The following PSMF1 variants were observed in gnomAD, a reference collection of about 807,000 sequenced individuals.
PSMF1 encodes the protein proteasome inhibitor PI31 subunit.
Under a neutral mutation model 29.3 loss-of-function variants are expected in PSMF1, and 30 were observed. The ratio of observed to expected loss-of-function variants is 1.02; its 90% CI spans 0.77 to 1.39. The LOEUF (loss-of-function observed/expected upper bound fraction) is 1.39. Among genes scored for constraint, PSMF1 ranks in the 40% most tolerant of loss-of-function variants. The pLI, the probability that PSMF1 is intolerant of heterozygous loss-of-function variation, is 0.00. For synonymous variants in PSMF1, 134 were observed against 139.7 expected (o/e 0.96, Z 0.29); for missense variants, 344 against 357.5 (o/e 0.96, Z 0.31).
At chr20:1,133,967 G>A (rs2086270261) in intron 3 of PSMF1, among the ~76,000 whole-genome samples, 1 of 131,776 alleles carries the variant, frequency 7.6e-6, no homozygotes, top group Non-Finnish European at 1.6e-5. Context: ...CTCCTGTTTC[G>A]TTCTTGTTAT....
upstream of PSMF1, chr20:1,118,037 G>T (rs1319733691): frequency 2.0e-5 from 3 of 152,208 alleles, no homozygotes; most frequent in African/African-American, 7.2e-5. Flanking sequence ...GTTGTTGAGA[G>T]GGTGATGTAA....
At chr20:1,151,180 G>A (rs1218205639) in intron 4 of PSMF1, among the ~76,000 whole-genome samples, 1 of 152,112 alleles carries the variant, frequency 6.6e-6, no homozygotes, top group Non-Finnish European at 1.5e-5. Context: ...TACAGCTACT[G>A]TTTATTCAGT....
At chr20:1,153,554 A>G (rs569555755) in intron 4 of PSMF1, among the ~76,000 whole-genome samples, 67 of 151,986 alleles carry the variant, frequency 4.4e-4, no homozygotes, top group African/African-American at 1.6e-3. Flanking sequence ...CAACTGTGCC[A>G]TACAACGAAA....
In PSMF1 at chr20:1,125,860, G is replaced by A. The variant is rs914412368; in HGVS notation, c.282+210G>A. On this transcript the variant is annotated intron_variant, in intron 2 of 6. Coordinates refer to ENST00000335877, the MANE Select transcript of PSMF1 (RefSeq NM_006814.5). ...TCCACCACCTGGAATTAAGAAGGAG[G>A]GGCTTTCTGTCAACAGGGGAATGGT... 1.2e-5 allele frequency: 9 copies of A among 724,840 alleles called. No homozygotes were observed. The African/African-American group carries it at 1.5e-4, about 12-fold the overall frequency. The allele number at this position is 724,840 out of a possible 1,614,324, so 44.9% of individuals were successfully genotyped here. A position where few individuals can be genotyped will look rare whatever the true frequency, so the allele number is the denominator to read the frequency against.
chr20:1,133,763 G>GT (rs1190100173), intron 3 of PSMF1, among the ~76,000 whole-genome samples: 1 of 150,190 alleles, frequency 6.7e-6, no homozygotes, highest in African/African-American at 2.4e-5. Flanking sequence ...TTTGGTTTTT[G>GT]TTTTTTTATT....
At chr20:1,119,670 T>G (rs1487469113) in intron 1 of PSMF1, among the ~76,000 whole-genome samples, 1 of 152,148 alleles carries the variant, frequency 6.6e-6, no homozygotes, top group African/African-American at 2.4e-5. Flanking sequence ...CCCACAGAGT[T>G]CTAGGACTGC....
intron 3 of PSMF1, among the ~76,000 whole-genome samples, chr20:1,133,793 AGT>A (rs1285693293): frequency 6.6e-6 from 1 of 151,220 alleles, no homozygotes; most frequent in African/African-American, 2.4e-5. Flanking sequence ...TAGAATGTTA[AGT>A]GTAATTCAGT....
chr20:1,115,095 C>T (rs1316007775), upstream of PSMF1, among the ~76,000 whole-genome samples: 18 of 37,276 alleles, frequency 4.8e-4, no homozygotes, highest in African/African-American at 1.7e-3. Flanking sequence ...CTACAACCAA[C>T]TGTATGCAAA....
At position 1,164,593 on chromosome 20, in the gene PSMF1, T is replaced by C; in HGVS notation, c.764+117T>C. 7.2e-7 allele frequency: 1 copy of C among 1,398,040 alleles called. No homozygotes were observed. Among genetic ancestry groups the C allele is most frequent in the Non-Finnish European group, 9.8e-7 (1 of 1,020,968 alleles). 86.6% of individuals were successfully genotyped at this position (1,398,040 alleles called of 1,614,324 possible). A position where few individuals can be genotyped will look rare whatever the true frequency, so the allele number is the denominator to read the frequency against. Reference sequence around the variant, plus strand: ...AGCTGCCGCTGCCTTCACCTGTTGCTGCCAGGAGAGTGGAGCCTCCTCCAG... The same window carrying C: ...AGCTGCCGCTGCCTTCACCTGTTGCCGCCAGGAGAGTGGAGCCTCCTCCAG... On this transcript the variant is annotated intron_variant, in intron 6 of 6. Transcript: ENST00000335877. The surrounding 1 kb of genome is among the most constrained non-coding windows in gnomAD (Gnocchi z 4.1).
At chr20:1,126,378 G>A (rs891832179) in intron 2 of PSMF1, among the ~76,000 whole-genome samples, 3 of 151,716 alleles carry the variant, frequency 2.0e-5, no homozygotes, top group Admixed American at 1.3e-4. Flanking sequence ...TTTTTCACTC[G>A]GTGTTTTGGA....
In PSMF1 at chr20:1,172,102, C is replaced by T. The variant is rs1258285164; in HGVS notation, c.*7022C>T. 6.6e-6 allele frequency among the ~76,000 whole-genome samples: 1 copy of T among 152,246 alleles called. No homozygotes were observed. On this transcript the variant is annotated 3_prime_UTR_variant, in exon 7 of 7. Transcript: ENST00000335877. Reference sequence around the variant, plus strand: ...TGGACTGAGTTCAGTGCTCCCCCAACCTGCCCTCCTCCTCTCCCCCACAGA... The same window carrying T: ...TGGACTGAGTTCAGTGCTCCCCCAATCTGCCCTCCTCCTCTCCCCCACAGA...
intron 1 of PSMF1, among the ~76,000 whole-genome samples, chr20:1,124,889 G>A (rs2086134909): frequency 6.6e-6 from 1 of 152,236 alleles, no homozygotes; most frequent in South Asian, 2.1e-4. Flanking sequence ...TTTAAGAGTG[G>A]TGATTACCCT....
chr20:1,138,938 G>A (rs1163758667), intron 4 of PSMF1, among the ~76,000 whole-genome samples: 1 of 152,252 alleles, frequency 6.6e-6, no homozygotes. Context: ...CACTTTGGGA[G>A]GCCAAGGCAG....
chr20:1,161,234 G>T (rs532005436), intron 4 of PSMF1: 2 of 315,010 alleles, frequency 6.3e-6, no homozygotes, highest in South Asian at 5.3e-5. Context: ...GCGTCGCCCC[G>T]GACTTTGAGC....
chr20:1,161,385 T>C (rs186954449), intron 4 of PSMF1: 77 of 354,538 alleles, frequency 2.2e-4, no homozygotes, highest in Middle Eastern at 1.9e-3. Flanking sequence ...TGTGGAATTT[T>C]GCAGCATCCA....
intron 4 of PSMF1, among the ~76,000 whole-genome samples, chr20:1,141,606 C>G (rs73890703): frequency 0.022 from 3,365 of 152,136 alleles, 137 homozygotes; most frequent in African/African-American, 0.077. Context: ...ATGCCTTCCC[C>G]CTAAGGAAGA....
At chr20:1,117,944 G>C (rs1261922683), upstream of PSMF1, 1 of 152,272 alleles carries the variant, frequency 6.6e-6, no homozygotes, top group African/African-American at 2.4e-5. Flanking sequence ...GGCAGCAGTT[G>C]TGTCTCCTTG....
At chr20:1,133,657 C>T (rs2086266058) in intron 3 of PSMF1, among the ~76,000 whole-genome samples, 1 of 147,724 alleles carries the variant, frequency 6.8e-6, no homozygotes, top group Non-Finnish European at 1.5e-5. Flanking sequence ...CGTATTCCCT[C>T]CTCATATATT....
Position 1,165,701 on chromosome 20 carries a change from A to C in PSMF1, c.*621A>C, listed in dbSNP as rs1330993835. ...ACTGGAAATCCCATAGGCCACAAGA[A>C]TGACTTTCACAAGGGCAGGAACATT... On this transcript the variant is annotated 3_prime_UTR_variant, in exon 7 of 7. Transcript: ENST00000335877. 1.0e-6 allele frequency: 1 copy of C among 1,000,742 alleles called. No individual in the cohort carries two copies. The highest frequency in any genetic ancestry group is 1.7e-5 in the African/African-American group (1 of 57,654). The allele number at this position is 1,000,742 out of a possible 1,614,324, so 62.0% of individuals were successfully genotyped here. A position where few individuals can be genotyped will look rare whatever the true frequency, so the allele number is the denominator to read the frequency against.
Sources: gnomAD v4.1 joint callset for allele counts (sites outside exome capture counted in the v4.1 genomes callset) on GRCh38, gnomAD v4.1.1 for gene constraint, Gnocchi (gnomAD v3.1) non-coding constraint, MANE v1.5 for transcripts, NCBI Gene and HGNC (gene_info 2026-07-23, HGNC 2026-07-21) for gene names.